PCDHA2: variants seen among roughly 807,000 people sequenced by gnomAD.
PCDHA2 encodes protocadherin alpha 2, also known as protocadherin alpha-2.
Under a neutral mutation model 66.0 loss-of-function variants are expected in PCDHA2, and 58 were observed. That is an observed-to-expected ratio of 0.88 (90% CI 0.71 to 1.09). The LOEUF (loss-of-function observed/expected upper bound fraction) is 1.09, where lower values mean the gene tolerates loss of function less well. Ranked by LOEUF, PCDHA2 falls within the 50% of genes least tolerant of loss-of-function variation. The probability of loss-of-function intolerance (pLI) is 0.00; values close to 1 mark genes in which losing one functional copy is unlikely to be tolerated. For missense variants in PCDHA2, 1,267 were observed against 1,242.3 expected (o/e 1.02, Z -0.30); for synonymous variants, 634 against 554.0 (o/e 1.14, Z -2.03).
intron 3 of PCDHA2, among the ~76,000 whole-genome samples, chr5:140,992,036 TG>T (rs2097488420): frequency 6.6e-6 from 1 of 151,818 alleles, no homozygotes; most frequent in African/African-American, 2.4e-5. Flanking sequence ...TGTGTGTGTG[TG>T]TGTGTGTGTG....
intron 1 of PCDHA2, chr5:140,876,058 C>A (rs781906188): frequency 1.2e-6 from 2 of 1,613,750 alleles, no homozygotes; most frequent in African/African-American, 1.3e-5. Flanking sequence ...TGAATTAGTT[C>A]TTCGGAAGTT....
Position 140,794,892 on chromosome 5 carries a change from TAACA to T in PCDHA2, c.-72_-69del, listed in dbSNP as rs1283587195. ...AGGAATAAGAGAAGCAGCAGGACTT[TAACA>T]GAGACTAGAATATTTAAATTTTTGC... On this transcript the variant is annotated 5_prime_UTR_variant, in exon 1 of 4. Transcript: ENST00000526136. 61 of 1,469,340 alleles carry T rather than the reference TAACA, an allele frequency of 4.2e-5. No homozygotes were observed. Among genetic ancestry groups the T allele is most frequent in the Non-Finnish European group, 5.4e-5 (59 of 1,087,524 alleles). The allele number at this position is 1,469,340 out of a possible 1,614,324, so 91.0% of individuals were successfully genotyped here. A position where few individuals can be genotyped will look rare whatever the true frequency, so the allele number is the denominator to read the frequency against.
intron 1 of PCDHA2, chr5:140,809,254 C>G: frequency 1.2e-6 from 2 of 1,614,064 alleles, no homozygotes; most frequent in Non-Finnish European, 1.7e-6. Flanking sequence ...CTGTGGGTCC[C>G]GATGCTGCGC....
At chr5:140,802,021 A>G (rs1554121829) in intron 1 of PCDHA2, 1 of 1,614,228 alleles carries the variant, frequency 6.2e-7, no homozygotes, top group Non-Finnish European at 8.5e-7. Flanking sequence ...GGAGTAAATA[A>G]GGATATCGCG....
intron 3 of PCDHA2, among the ~76,000 whole-genome samples, chr5:140,995,275 A>G (rs1383239362): frequency 6.6e-6 from 1 of 152,146 alleles, no homozygotes; most frequent in African/African-American, 2.4e-5. Context: ...GCCCTTTGAT[A>G]CCAAAACAGC....
intron 1 of PCDHA2, chr5:140,841,601 G>T: frequency 6.2e-7 from 1 of 1,614,136 alleles, no homozygotes; most frequent in Non-Finnish European, 8.5e-7. Context: ...CGACCGCGAG[G>T]AGCTGTGCGG....
rs1234661148 is a variant in PCDHA2, at chr5:141,010,706, T to C, written c.*769T>C. 2 of 155,338 alleles carry C rather than the reference T, an allele frequency of 1.3e-5. No individual in the cohort carries two copies. Among genetic ancestry groups the C allele is most frequent in the African/African-American group, 4.8e-5 (2 of 41,492 alleles). The allele number at this position is 155,338 out of a possible 1,614,324, so 9.6% of individuals were successfully genotyped here. A position where few individuals can be genotyped will look rare whatever the true frequency, so the allele number is the denominator to read the frequency against. The stretch of plus-strand genomic sequence containing the variant: ...AGATCTGATGTGTTTCCTATACATG[T>C]CCTGTGCTCACTTTATTAAAAATTC... On this transcript the variant is annotated 3_prime_UTR_variant, in exon 4 of 4. Transcript: ENST00000526136.
chr5:140,884,514 C>T (rs368331245), intron 1 of PCDHA2: 3 of 1,614,176 alleles, frequency 1.9e-6, no homozygotes, highest in African/African-American at 1.3e-5. Context: ...GGGAGTTGGT[C>T]GTACTCGCAG....
chr5:140,884,176 T>G, intron 1 of PCDHA2: 1 of 1,613,372 alleles, frequency 6.2e-7, no homozygotes, highest in Non-Finnish European at 8.5e-7. Flanking sequence ...CGACGCGCCC[T>G]CTGGACGAGG....
chr5:140,803,605 A>T (rs1554122899), intron 1 of PCDHA2: 1 of 1,613,986 alleles, frequency 6.2e-7, no homozygotes, highest in South Asian at 1.1e-5. Context: ...AGTAATTTTT[A>T]TTTATTCTTT....
intron 1 of PCDHA2, among the ~76,000 whole-genome samples, chr5:140,945,058 C>A (rs939271004): frequency 1.3e-5 from 2 of 151,996 alleles, no homozygotes; most frequent in Non-Finnish European, 2.9e-5. Flanking sequence ...AAAGAAAACC[C>A]TACAGACTCC....
chr5:140,929,540 G>A, intron 1 of PCDHA2: 1 of 549,498 alleles, frequency 1.8e-6, no homozygotes, highest in Admixed American at 4.2e-5. Context: ...GAGAAACAAG[G>A]GCAAAAATTA....
intron 1 of PCDHA2, chr5:140,854,422 A>G (rs1322655400): frequency 1.3e-5 from 2 of 151,676 alleles, no homozygotes; most frequent in African/African-American, 4.9e-5. Flanking sequence ...AATCTCTAAA[A>G]TCAGAATTTG....
At chr5:140,903,166 T>C (rs758397398) in intron 1 of PCDHA2, among the ~76,000 whole-genome samples, 34 of 152,226 alleles carry the variant, frequency 2.2e-4, no homozygotes, top group Non-Finnish European at 2.5e-4. Context: ...TGTGCTGGTT[T>C]ACATTCCCAC....
chr5:140,814,922 T>C (rs1554126639), intron 1 of PCDHA2: 1 of 152,220 alleles, frequency 6.6e-6, no homozygotes, highest in Non-Finnish European at 1.5e-5. Flanking sequence ...TGAATTGACC[T>C]TTTATCATTA....
At chr5:140,836,589 A>G in intron 1 of PCDHA2, 2 of 1,613,682 alleles carry the variant, frequency 1.2e-6, no homozygotes. Context: ...TAGTTTGGTA[A>G]AGCCCACTCT....
intron 1 of PCDHA2, among the ~76,000 whole-genome samples, chr5:140,955,070 G>A (rs755676357): frequency 2.2e-4 from 34 of 152,166 alleles, no homozygotes; most frequent in Non-Finnish European, 4.1e-4. Context: ...GTTTGTTGAA[G>A]ATCAGATGGT....
Position 140,857,792 on chromosome 5 carries a change from C to T in PCDHA2, c.2388+60440C>T, listed in dbSNP as rs368399538. 21 of 1,597,428 alleles carry T rather than the reference C, an allele frequency of 1.3e-5. 1 individual carries two copies. In the African/African-American group the frequency reaches 2.6e-4, roughly 19 times the overall value. On this transcript the variant is annotated intron_variant, in intron 1 of 3. Coordinates refer to ENST00000526136, the MANE Select transcript of PCDHA2 (RefSeq NM_018905.3). ...CGGTGCAGTCAGTGAGCTGGTGCTGCGGTCGGTGGTTGCGGGTCACGTGGT... is the reference window on the plus strand; with the variant it reads ...CGGTGCAGTCAGTGAGCTGGTGCTGTGGTCGGTGGTTGCGGGTCACGTGGT...
chr5:140,932,469 A>T (rs1356318037), intron 1 of PCDHA2, among the ~76,000 whole-genome samples: 12 of 152,030 alleles, frequency 7.9e-5, no homozygotes, highest in African/African-American at 2.4e-4. Context: ...TATATAGGAA[A>T]TAGGATATCT....
Sources: gnomAD v4.1 joint callset for allele counts (sites outside exome capture counted in the v4.1 genomes callset) on GRCh38, gnomAD v4.1.1 for gene constraint, MANE v1.5 for transcripts, NCBI Gene and HGNC (gene_info 2026-07-23, HGNC 2026-07-21) for gene names.